Variants in TSNARE1 observed in about 807,000 individuals in gnomAD.
TSNARE1 encodes the protein t-SNARE domain-containing protein 1.
A neutral mutation model predicts 62.0 loss-of-function variants in TSNARE1; 49 were observed. The ratio of observed to expected loss-of-function variants is 0.79; its 90% CI spans 0.63 to 1.00. The LOEUF is 1.00. TSNARE1 is among the 50% of genes least tolerant of loss of function. The probability of loss-of-function intolerance (pLI) is 0.00; values close to 1 mark genes in which losing one functional copy is unlikely to be tolerated. For synonymous variants in TSNARE1, 328 were observed against 294.4 expected (o/e 1.11, Z -1.17); for missense variants, 755 against 700.1 (o/e 1.08, Z -0.88).
intron 12 of TSNARE1, among the ~76,000 whole-genome samples, chr8:142,253,744 C>A (rs928928946): frequency 3.3e-5 from 5 of 152,252 alleles, no homozygotes; most frequent in Non-Finnish European, 7.3e-5. Context: ...GCAATGGTGA[C>A]CCCTCCCGCA....
rs13258696 is a variant in TSNARE1, at chr8:142,282,420, A to G, written c.1363+1993T>C. On this transcript the variant is annotated intron_variant, in intron 11 of 13. Coordinates refer to ENST00000524325, the MANE Select transcript of TSNARE1 (RefSeq NM_145003.5). ...AATGATCAGGGTGGGGCCAGTGTCT[A>G]TTAATGAGCGGAGCAGGGGCCAGTG... 3.2e-3 allele frequency among the ~76,000 whole-genome samples: 481 copies of G among 149,234 alleles called. 1 individual carries two copies. The highest frequency in any genetic ancestry group is 4.9e-3 in the Non-Finnish European group (323 of 66,312).
intron 10 of TSNARE1, among the ~76,000 whole-genome samples, chr8:142,285,547 T>C (rs1019969618): frequency 1.0e-4 from 14 of 139,462 alleles, no homozygotes; most frequent in African/African-American, 3.8e-4. Flanking sequence ...AGATGGATGA[T>C]GGGGGGATAG....
chr8:142,350,547 CT>C (rs1277229900), intron 2 of TSNARE1, among the ~76,000 whole-genome samples: 3 of 152,178 alleles, frequency 2.0e-5, no homozygotes, highest in Non-Finnish European at 4.4e-5. Flanking sequence ...TAATCCTGTT[CT>C]TCCACAAACT....
intron 10 of TSNARE1, among the ~76,000 whole-genome samples, chr8:142,288,972 G>C (rs570206781): frequency 6.6e-6 from 1 of 152,186 alleles, no homozygotes; most frequent in African/African-American, 2.4e-5. Flanking sequence ...GCTGCATGCC[G>C]AGAGGTTCCC....
intron 4 of TSNARE1, among the ~76,000 whole-genome samples, chr8:142,335,814 C>T (rs1162417392): frequency 1.3e-5 from 2 of 152,258 alleles, no homozygotes; most frequent in African/African-American, 2.4e-5. Flanking sequence ...ATGGTAAACT[C>T]GGTTGCTTCC....
At chr8:142,281,589 A>T (rs561270199) in intron 11 of TSNARE1, among the ~76,000 whole-genome samples, 16 of 152,126 alleles carry the variant, frequency 1.1e-4, no homozygotes, top group African/African-American at 3.4e-4. Flanking sequence ...GCATGGAGTC[A>T]GAACTGGACA....
chr8:142,335,202 G>A (rs534667320), intron 4 of TSNARE1, among the ~76,000 whole-genome samples: 4 of 152,122 alleles, frequency 2.6e-5, no homozygotes, highest in South Asian at 2.1e-4. Flanking sequence ...CCACCTCAAC[G>A]AGGCGGGGTC....
At chr8:142,300,681 C>T (rs369808361) in intron 9 of TSNARE1, 37 bp from the exon 10 acceptor site, 1 of 1,582,942 alleles carries the variant, frequency 6.3e-7, no homozygotes, top group African/African-American at 1.3e-5. Flanking sequence ...GCACTGACCC[C>T]TCCCATTACC....
intron 4 of TSNARE1, among the ~76,000 whole-genome samples, chr8:142,336,404 A>C (rs1180252721): frequency 6.6e-6 from 1 of 152,140 alleles, no homozygotes; most frequent in Non-Finnish European, 1.5e-5. Flanking sequence ...TCATGTAAAC[A>C]GTAATCATAA....
intron 13 of TSNARE1, among the ~76,000 whole-genome samples, chr8:142,222,102 C>CATTCACT (rs142699831): frequency 8.0e-6 from 1 of 124,520 alleles, no homozygotes; most frequent in Non-Finnish European, 1.7e-5. Flanking sequence ...CTCATCCACT[C>CATTCACT]CACTCACTCA....
intron 1 of TSNARE1, among the ~76,000 whole-genome samples, chr8:142,381,481 C>T (rs1473218054): frequency 2.0e-5 from 3 of 152,192 alleles, no homozygotes; most frequent in Non-Finnish European, 4.4e-5. Context: ...CCCCCCCACC[C>T]CACCAAGCAC....
intron 13 of TSNARE1, among the ~76,000 whole-genome samples, chr8:142,219,485 G>A (rs1257775762): frequency 6.6e-6 from 1 of 152,212 alleles, no homozygotes; most frequent in Admixed American, 6.5e-5. Context: ...AAAGCTCCAG[G>A]AAATGTGGTG....
intron 1 of TSNARE1, among the ~76,000 whole-genome samples, chr8:142,384,929 C>T (rs1038215679): frequency 3.3e-5 from 5 of 152,128 alleles, no homozygotes; most frequent in Admixed American, 2.6e-4. Flanking sequence ...GTGCCAGTCA[C>T]GTGTCTCTTG....
At chr8:142,261,392 G>A (rs1410535885) in intron 12 of TSNARE1, among the ~76,000 whole-genome samples, 1 of 139,312 alleles carries the variant, frequency 7.2e-6, no homozygotes, top group African/African-American at 2.7e-5. Flanking sequence ...AGAGGGGGGA[G>A]GGAGGGATAG....
At position 142,237,704 on chromosome 8, in the gene TSNARE1, GAC is replaced by G. The variant is rs1473284587; in HGVS notation, c.1447-8127_1447-8126del. ...CCAGAGCTCGGACGGGCCATGCTTGGACACTGTCACTCCAAGGATGGAGTCAT... is the reference window on the plus strand; with the variant it reads ...CCAGAGCTCGGACGGGCCATGCTTGGACTGTCACTCCAAGGATGGAGTCAT... On this transcript the variant is annotated intron_variant, in intron 12 of 13. Coordinates refer to ENST00000524325, the MANE Select transcript of TSNARE1 (RefSeq NM_145003.5). Among the ~76,000 whole-genome samples, 3 of 152,188 alleles carry G rather than the reference GAC, an allele frequency of 2.0e-5. No homozygotes were observed. The East Asian group carries it at 5.8e-4, about 29-fold the overall frequency.
intron 8 of TSNARE1, 47 bp downstream of exon 8, chr8:142,314,956 G>A (rs567434444): frequency 1.0e-4 from 160 of 1,590,488 alleles, no homozygotes; most frequent in Non-Finnish European, 1.2e-4. Context: ...AACCGAGGCC[G>A]ACCCCACCTG....
chr8:142,252,714 A>G (rs1029884767), intron 12 of TSNARE1, among the ~76,000 whole-genome samples: 1 of 152,172 alleles, frequency 6.6e-6, no homozygotes, highest in African/African-American at 2.4e-5. Flanking sequence ...GCCGTTGTTT[A>G]CTTCCAGCCA....
At chr8:142,380,585 C>T (rs767769261) in intron 1 of TSNARE1, among the ~76,000 whole-genome samples, 7 of 151,854 alleles carry the variant, frequency 4.6e-5, no homozygotes, top group Non-Finnish European at 1.0e-4. Flanking sequence ...GGCTCCCCAG[C>T]CAGACTGTAG....
At chr8:142,353,670 G>A (rs537211296) in intron 2 of TSNARE1, among the ~76,000 whole-genome samples, 37 of 152,296 alleles carry the variant, frequency 2.4e-4, no homozygotes, top group South Asian at 4.1e-4. Context: ...AGGAGCCAGC[G>A]AGGGCCCCTC....
Sources: allele counts gnomAD v4.1 joint callset (sites outside exome capture counted in the v4.1 genomes callset), GRCh38; gene constraint gnomAD v4.1.1; transcripts MANE v1.5; gene names NCBI Gene and HGNC (gene_info 2026-07-23, HGNC 2026-07-21).